SMC2: variants seen among roughly 807,000 people sequenced by gnomAD.
The protein encoded by SMC2 is structural maintenance of chromosomes 2, also known as structural maintenance of chromosomes protein 2.
SMC2 carries 41 observed loss-of-function variants against 142.6 expected under a neutral mutation model. The ratio of observed to expected loss-of-function variants is 0.29; its 90% CI spans 0.22 to 0.37. SMC2 has a LOEUF of 0.37. Ranked by LOEUF, SMC2 falls within the 10% of genes least tolerant of loss-of-function variation. The probability of loss-of-function intolerance (pLI) is 1.00; values close to 1 mark genes in which losing one functional copy is unlikely to be tolerated. For synonymous variants in SMC2, 463 were observed against 457.5 expected, an observed-to-expected ratio of 1.01 and a Z score of -0.15; for missense variants, 1,265 against 1,373.7, an observed-to-expected ratio of 0.92 and a Z score of 1.25.
At chr9:104,130,833 C>A (rs1041231551) in intron 21 of SMC2, among the ~76,000 whole-genome samples, 1 of 152,044 alleles carries the variant, frequency 6.6e-6, no homozygotes, top group African/African-American at 2.4e-5. Context: ...AGACCTGAGT[C>A]TAATATTTTT....
intron 7 of SMC2, 29 bp downstream of exon 7, chr9:104,100,462 A>T: frequency 7.4e-7 from 1 of 1,358,754 alleles, no homozygotes; most frequent in Non-Finnish European, 1.0e-6. Context: ...AGGATAATCT[A>T]TTAGAATGTC....
At position 104,095,551 on chromosome 9, in the gene SMC2, A is replaced by G; in HGVS notation, c.167A>G (p.Gln56Arg). 3 of 1,611,474 alleles carry G rather than the reference A, an allele frequency of 1.9e-6. No homozygotes were observed. Among genetic ancestry groups the G allele is most frequent in the Non-Finnish European group, 2.5e-6 (3 of 1,177,818 alleles). ...TTGCTGGGCATCTCCAACCTGTCTCAGGTAAAGTGTAAACTTTCTGATTTA... is the reference window on the plus strand; with the variant it reads ...TTGCTGGGCATCTCCAACCTGTCTCGGGTAAAGTGTAAACTTTCTGATTTA... ...CFLLGISNLS[Q>R]VRASNLQDLV... Residue 56 changes from glutamine to arginine, a missense_variant and splice_region_variant, in exon 2 of 25, where the codon CAG becomes CGG. Around this residue, in one of 4 missense-constraint regions of SMC2, gnomAD observed 168 missense variants for 184.8 expected, o/e 0.91. Transcript: ENST00000374793.
chr9:104,092,548 CAAGTG>C (rs1830008598), upstream of SMC2: 1 of 152,144 alleles, frequency 6.6e-6, no homozygotes, highest in African/African-American at 2.4e-5. Flanking sequence ...AGAATCAATA[CAAGTG>C]AATAGCTGTG....
chr9:104,095,670 C>T (rs752322963), intron 2 of SMC2, 118 bp downstream of exon 2: 4 of 724,842 alleles, frequency 5.5e-6, no homozygotes, highest in Non-Finnish European at 4.6e-6. Context: ...GTAAATTACA[C>T]CTCACTGCAA....
intron 23 of SMC2, among the ~76,000 whole-genome samples, chr9:104,136,598 T>G (rs932994201): frequency 6.6e-6 from 1 of 152,122 alleles, no homozygotes; most frequent in Non-Finnish European, 1.5e-5. Context: ...GCAGAATTTT[T>G]TTTTTAAGAT....
intron 4 of SMC2, among the ~76,000 whole-genome samples, chr9:104,099,076 C>T (rs1830820773): frequency 6.6e-6 from 1 of 152,068 alleles, no homozygotes; most frequent in Non-Finnish European, 1.5e-5. Flanking sequence ...CACTACACAC[C>T]TTCATAGTTG....
intron 9 of SMC2, among the ~76,000 whole-genome samples, chr9:104,109,215 C>T (rs1832149578): frequency 6.6e-6 from 1 of 152,134 alleles, no homozygotes; most frequent in South Asian, 2.1e-4. Flanking sequence ...TTAGCAATTT[C>T]CCTCAACTAC....
intron 10 of SMC2, 106 bp downstream of exon 10, chr9:104,111,920 A>G (rs1046870407): frequency 4.9e-6 from 4 of 810,496 alleles, no homozygotes; most frequent in East Asian, 2.7e-5. Flanking sequence ...ATCAGTCTCA[A>G]GGAACTTGTT....
chr9:104,095,049 C>T (rs571529059), intron 1 of SMC2, among the ~76,000 whole-genome samples: 1 of 152,088 alleles, frequency 6.6e-6, no homozygotes, highest in African/African-American at 2.4e-5. Context: ...AATCCATAGT[C>T]TTTGTTTAGG....
Position 104,127,323 on chromosome 9 carries a change from A to T in SMC2, c.2633A>T (p.Gln878Leu). 6.3e-7 allele frequency: 1 copy of T among 1,599,700 alleles called. No homozygotes were observed. Residue 878 changes from glutamine to leucine, a missense_variant, in exon 20 of 25, where the codon CAA becomes CTA. Gln to Leu is a moderately radical substitution (Grantham distance 113). Around this residue, in one of 4 missense-constraint regions of SMC2, gnomAD observed 898 missense variants for 904.2 expected, o/e 0.99. Transcript: ENST00000374793. ...AAAGCTCAAGAAGAGGTGACCAAGCAAAAAGAGGTGATAACAGCCCAAGAC... is the reference window on the plus strand; with the variant it reads ...AAAGCTCAAGAAGAGGTGACCAAGCTAAAAGAGGTGATAACAGCCCAAGAC... ...VNKAQEEVTK[Q>L]KEVITAQDTV...
chr9:104,102,003 TA>T lies in SMC2; in HGVS notation c.681del (p.Ile227MetfsTer4). ...YLEYQKVMRE[I>X]EHLSRLYIAY... ...GAGTACCAAAAAGTAATGAGAGAAA[TA>T]GAACATTTGAGTCGTTTATATATTG... On this transcript the variant is annotated frameshift_variant, in exon 8 of 25. Coordinates refer to ENST00000374793, the MANE Select transcript of SMC2 (RefSeq NM_006444.3). LOFTEE classifies it high-confidence loss of function. The T allele has an allele frequency of 6.2e-7, 1 of 1,610,300 alleles. No homozygotes were observed. Among genetic ancestry groups the T allele is most frequent in the Non-Finnish European group, 8.5e-7 (1 of 1,178,742 alleles).
chr9:104,109,347 T>G (rs1332995194), intron 9 of SMC2, among the ~76,000 whole-genome samples: 1 of 152,140 alleles, frequency 6.6e-6, no homozygotes, highest in Non-Finnish European at 1.5e-5. Flanking sequence ...AATATCTAGA[T>G]CCAGTCTATC....
At chr9:104,096,344 G>T in intron 3 of SMC2, 47 bp downstream of exon 3, 1 of 1,588,122 alleles carries the variant, frequency 6.3e-7, no homozygotes, top group Non-Finnish European at 8.6e-7. Flanking sequence ...TTTTATGTCT[G>T]ATGTGGTTTT....
chr9:104,096,032 G>A lies in SMC2; in HGVS notation c.169-116G>A, dbSNP rs886336012. The A allele has an allele frequency of 4.5e-5, 39 of 862,000 alleles. No individual in the cohort carries two copies. The African/African-American group carries it at 5.9e-4, about 13-fold the overall frequency. 53.4% of individuals were successfully genotyped at this position (862,000 alleles called of 1,614,324 possible). Reference sequence around the variant, plus strand: ...CCAGAGGATGCAGCTGCCTAACCTTGTCTACTTAATGGACACTACGTTGGT... The same window carrying A: ...CCAGAGGATGCAGCTGCCTAACCTTATCTACTTAATGGACACTACGTTGGT... On this transcript the variant is annotated intron_variant, in intron 2 of 24. Coordinates refer to ENST00000374793, the MANE Select transcript of SMC2 (RefSeq NM_006444.3).
intron 19 of SMC2, 126 bp from the exon 20 acceptor site, chr9:104,127,160 G>A (rs1684796664): frequency 1.5e-6 from 1 of 669,616 alleles, no homozygotes; most frequent in South Asian, 2.5e-5. Flanking sequence ...AGAGGGTTAG[G>A]TGATCATCTC....
intron 9 of SMC2, among the ~76,000 whole-genome samples, chr9:104,110,777 A>G (rs948339819): frequency 6.6e-6 from 1 of 152,054 alleles, no homozygotes; most frequent in African/African-American, 2.4e-5. Flanking sequence ...CACTCCTCTC[A>G]CTTCATCCAG....
At chr9:104,126,476 TC>T (rs1834298895) in intron 18 of SMC2, among the ~76,000 whole-genome samples, 164 bp from the exon 19 acceptor site, 1 of 150,604 alleles carries the variant, frequency 6.6e-6, no homozygotes, top group Admixed American at 6.6e-5. Context: ...AAAATAAACT[TC>T]CTTTTCTGGG....
upstream of SMC2, chr9:104,092,503 G>A (rs373442809): frequency 5.3e-5 from 8 of 152,204 alleles, no homozygotes; most frequent in East Asian, 1.3e-3. Context: ...TAAAAGGAAG[G>A]AGACACAGCT....
chr9:104,097,127 T>G (rs1230844580), intron 3 of SMC2, among the ~76,000 whole-genome samples: 20 of 147,428 alleles, frequency 1.4e-4, no homozygotes, highest in African/African-American at 4.5e-4. Context: ...AGGTTTTTTT[T>G]TTTTTTTTTT....
Sources: gnomAD v4.1 joint callset for allele counts (sites outside exome capture counted in the v4.1 genomes callset) on GRCh38, gnomAD v4.1.1 for gene constraint, gnomAD v4.1.1 regional missense constraint, MANE v1.5 for transcripts, NCBI Gene and HGNC (gene_info 2026-07-23, HGNC 2026-07-21) for gene names.